Variants in FCHO2 observed in about 807,000 individuals in gnomAD.
FCHO2 encodes F-BAR domain only protein 2.
A neutral mutation model predicts 114.1 loss-of-function variants in FCHO2; 43 were observed. The ratio of observed to expected loss-of-function variants is 0.38; its 90% CI spans 0.30 to 0.49. The LOEUF (loss-of-function observed/expected upper bound fraction) is 0.49, where lower values mean the gene tolerates loss of function less well. Among genes scored for constraint, FCHO2 ranks in the 20% least tolerant of loss-of-function variants. FCHO2 has a pLI of 0.97. For synonymous variants in FCHO2, 293 were observed against 315.2 expected (o/e 0.93, Z 0.75); for missense variants, 807 against 950.4 (o/e 0.85, Z 1.98).
chr5:73,058,033 C>T (rs561913505), intron 16 of FCHO2, among the ~76,000 whole-genome samples: 3 of 151,898 alleles, frequency 2.0e-5, no homozygotes, highest in African/African-American at 4.8e-5. Flanking sequence ...TTTTTACGGA[C>T]GGGGTCTTGC....
intron 5 of FCHO2, among the ~76,000 whole-genome samples, chr5:72,995,580 A>G (rs1754047776): frequency 6.6e-6 from 1 of 151,974 alleles, no homozygotes; most frequent in African/African-American, 2.4e-5. Flanking sequence ...AAAGGAATTT[A>G]TTTTTTACAA....
At chr5:73,017,351 A>G (rs775786888) in intron 8 of FCHO2, 43 bp downstream of exon 8, 2 of 1,277,694 alleles carry the variant, frequency 1.6e-6, no homozygotes, top group Admixed American at 2.3e-5. Flanking sequence ...AAATTTTCCC[A>G]TATAGTAACT....
chr5:73,015,061 G>A (rs1755228023), intron 6 of FCHO2, among the ~76,000 whole-genome samples: 2 of 108,836 alleles, frequency 1.8e-5, no homozygotes, highest in South Asian at 3.7e-4. Context: ...GGGTGACAGA[G>A]CAAGACTCCG....
chr5:73,077,551 T>TG, intron 21 of FCHO2, 58 bp downstream of exon 21: 1 of 1,509,756 alleles, frequency 6.6e-7, no homozygotes, highest in Admixed American at 2.1e-5. Context: ...TCTTTCCTGC[T>TG]GTGCACAGTG....
chr5:72,999,400 T>C lies in FCHO2; in HGVS notation c.496-7045T>C, dbSNP rs1480793021. On this transcript the variant is annotated intron_variant, in intron 5 of 25. Coordinates refer to ENST00000430046, the MANE Select transcript of FCHO2 (RefSeq NM_138782.3). Reference sequence around the variant, plus strand: ...GGCCTTTTTTTTTTTTTTTTTTTTTTAAGATGGAGTCTCGCTCTGTTACCC... The same window carrying C: ...GGCCTTTTTTTTTTTTTTTTTTTTTCAAGATGGAGTCTCGCTCTGTTACCC... Among the ~76,000 whole-genome samples the C allele has an allele frequency of 8.3e-5, 10 of 120,566 alleles. No homozygotes were observed. In the South Asian group the frequency reaches 2.5e-3, roughly 30 times the overall value. 79.1% of individuals were successfully genotyped at this position (120,566 alleles called of 152,430 possible). A position where few individuals can be genotyped will look rare whatever the true frequency, so the allele number is the denominator to read the frequency against.
chr5:73,081,100 A>T (rs1436014968), intron 22 of FCHO2, among the ~76,000 whole-genome samples: 1 of 152,182 alleles, frequency 6.6e-6, no homozygotes, highest in East Asian at 1.9e-4. Flanking sequence ...ACAGAGTGAG[A>T]CCCTGCCTCA....
At chr5:73,026,436 C>T (rs1755919834) in intron 8 of FCHO2, among the ~76,000 whole-genome samples, 1 of 151,756 alleles carries the variant, frequency 6.6e-6, no homozygotes. Flanking sequence ...CATCATTGCA[C>T]TCCAGCCTGG....
intron 5 of FCHO2, among the ~76,000 whole-genome samples, chr5:72,996,430 G>T (rs1039089263): frequency 6.6e-6 from 1 of 152,034 alleles, no homozygotes; most frequent in Non-Finnish European, 1.5e-5. Flanking sequence ...ATAATATTGA[G>T]CAAGAAAAAG....
At position 72,999,835 on chromosome 5, in the gene FCHO2, A is replaced by G. The variant is rs570557177; in HGVS notation, c.496-6610A>G. Among the ~76,000 whole-genome samples, 3 of 152,312 alleles carry G rather than the reference A, an allele frequency of 2.0e-5. No homozygotes were observed. The East Asian group carries it at 5.8e-4, about 29-fold the overall frequency. On this transcript the variant is annotated intron_variant, in intron 5 of 25. Coordinates refer to ENST00000430046, the MANE Select transcript of FCHO2 (RefSeq NM_138782.3). ...TGTTTTTGGTAGTATATTAATTTAT[A>G]ATGCTAAGGAAATGAATAAAACTTA...
At chr5:72,980,980 G>A (rs1753175773) in intron 2 of FCHO2, among the ~76,000 whole-genome samples, 1 of 152,010 alleles carries the variant, frequency 6.6e-6, no homozygotes, top group African/African-American at 2.4e-5. Context: ...ATTTGCTCCT[G>A]TCATTATGAT....
At chr5:73,016,227 T>A (rs1478537307) in intron 7 of FCHO2, among the ~76,000 whole-genome samples, 3 of 152,020 alleles carry the variant, frequency 2.0e-5, no homozygotes, top group Non-Finnish European at 4.4e-5. Context: ...GGCAGGAAGA[T>A]TACTTGAGCC....
chr5:73,007,618 C>T (rs1754791594), intron 6 of FCHO2, among the ~76,000 whole-genome samples: 2 of 152,292 alleles, frequency 1.3e-5, no homozygotes, highest in East Asian at 1.9e-4. Flanking sequence ...CGAAGTCTTG[C>T]ATACTTGTGT....
intron 3 of FCHO2, among the ~76,000 whole-genome samples, chr5:72,990,253 A>G (rs1467932897): frequency 5.9e-5 from 9 of 152,112 alleles, no homozygotes; most frequent in African/African-American, 2.2e-4. Flanking sequence ...TGATAATGTA[A>G]TTAACCCATT....
chr5:73,081,613 G>T (rs1303659241), intron 22 of FCHO2, among the ~76,000 whole-genome samples, 170 bp from the exon 23 acceptor site: 1 of 152,188 alleles, frequency 6.6e-6, no homozygotes, highest in Non-Finnish European at 1.5e-5. Context: ...TCCCCACATT[G>T]AGAATGATCC....
intron 22 of FCHO2, among the ~76,000 whole-genome samples, chr5:73,080,153 A>G (rs1010931068): frequency 1.3e-5 from 2 of 152,232 alleles, no homozygotes; most frequent in Non-Finnish European, 1.5e-5. Context: ...TTTGTAAGCA[A>G]CATGTGAATA....
intron 17 of FCHO2, among the ~76,000 whole-genome samples, chr5:73,059,315 C>A (rs1757743631): frequency 6.6e-6 from 1 of 152,130 alleles, no homozygotes; most frequent in Non-Finnish European, 1.5e-5. Flanking sequence ...AGGAGTGCCA[C>A]ACATTCTATT....
At chr5:73,057,465 T>G (rs1325463992) in intron 16 of FCHO2, among the ~76,000 whole-genome samples, 3 of 152,148 alleles carry the variant, frequency 2.0e-5, no homozygotes, top group Non-Finnish European at 4.4e-5. Context: ...ATGCTGGATA[T>G]GTACTCTTAT....
At chr5:73,048,740 G>A (rs1369199494) in intron 11 of FCHO2, among the ~76,000 whole-genome samples, 1 of 151,474 alleles carries the variant, frequency 6.6e-6, no homozygotes, top group Non-Finnish European at 1.5e-5. Flanking sequence ...ATGTAGTTTT[G>A]TTACACATTG....
intron 9 of FCHO2, among the ~76,000 whole-genome samples, chr5:73,035,356 CTG>C (rs1756446447): frequency 1.3e-5 from 2 of 152,032 alleles, no homozygotes; most frequent in Admixed American, 1.3e-4. Flanking sequence ...GAGGAGGAGT[CTG>C]TGGTGAGCTG....
Sources: allele counts gnomAD v4.1 joint callset (sites outside exome capture counted in the v4.1 genomes callset), GRCh38; gene constraint gnomAD v4.1.1; transcripts MANE v1.5; gene names NCBI Gene and HGNC (gene_info 2026-07-23, HGNC 2026-07-21).